Variants in BTBD9 observed in about 807,000 individuals in gnomAD.
BTBD9 encodes the protein BTB/POZ domain-containing protein 9.
BTBD9 carries 49 observed loss-of-function variants against 64.3 expected under a neutral mutation model. The observed-to-expected ratio is 0.76, with a 90% CI of 0.61 to 0.97. The LOEUF is 0.97. Ranked by LOEUF, BTBD9 falls within the 50% of genes least tolerant of loss-of-function variation. BTBD9 has a pLI of 0.00. For missense variants in BTBD9, 598 were observed against 762.1 expected (o/e 0.78, Z 2.53); for synonymous variants, 260 against 274.7 (o/e 0.95, Z 0.53).
At chr6:38,514,889 T>C (rs1262665716) in intron 6 of BTBD9, among the ~76,000 whole-genome samples, 1 of 152,192 alleles carries the variant, frequency 6.6e-6, no homozygotes, top group Non-Finnish European at 1.5e-5. Flanking sequence ...TTTTTACAAG[T>C]GACCTCTGGT....
At chr6:38,374,104 T>C (rs890567507) in intron 6 of BTBD9, among the ~76,000 whole-genome samples, 50 of 150,332 alleles carry the variant, frequency 3.3e-4, no homozygotes, top group African/African-American at 1.2e-3. Flanking sequence ...AACCCATCTC[T>C]ACTAAAAATA....
intron 9 of BTBD9, among the ~76,000 whole-genome samples, chr6:38,221,403 C>A (rs915758211): frequency 1.3e-5 from 2 of 152,174 alleles, no homozygotes; most frequent in Non-Finnish European, 1.5e-5. Flanking sequence ...AGCCTCCCCC[C>A]AGGGAGCCAC....
intron 6 of BTBD9, among the ~76,000 whole-genome samples, chr6:38,525,599 C>A (rs1007639760): frequency 3.3e-5 from 5 of 152,108 alleles, no homozygotes; most frequent in Admixed American, 6.5e-5. Context: ...ATGGTTTTGA[C>A]CAAAATGCTG....
chr6:38,525,960 AC>A (rs1773466674), intron 6 of BTBD9, among the ~76,000 whole-genome samples: 1 of 152,212 alleles, frequency 6.6e-6, no homozygotes. Flanking sequence ...GAAAAGAAAA[AC>A]CCACTTTCTG....
At chr6:38,232,635 T>C (rs1344651493) in intron 9 of BTBD9, among the ~76,000 whole-genome samples, 1 of 151,996 alleles carries the variant, frequency 6.6e-6, no homozygotes, top group Non-Finnish European at 1.5e-5. Context: ...TTTTATTTTA[T>C]TATTATTTTT....
At chr6:38,553,019 A>T (rs1774881960) in intron 6 of BTBD9, among the ~76,000 whole-genome samples, 1 of 152,154 alleles carries the variant, frequency 6.6e-6, no homozygotes, top group African/African-American at 2.4e-5. Flanking sequence ...TTCAATCCAC[A>T]TCAGTCAAAT....
intron 7 of BTBD9, among the ~76,000 whole-genome samples, chr6:38,293,457 G>C (rs979387253): frequency 1.3e-5 from 2 of 152,116 alleles, no homozygotes; most frequent in Admixed American, 6.5e-5. Flanking sequence ...CATGGTACTG[G>C]TACCAAATAG....
At chr6:38,300,374 G>GT (rs761628745) in intron 7 of BTBD9, among the ~76,000 whole-genome samples, 5 of 152,214 alleles carry the variant, frequency 3.3e-5, no homozygotes, top group East Asian at 1.9e-4. Flanking sequence ...CTTTAAAGTA[G>GT]TTTTTTTCCA....
At chr6:38,593,517 T>C (rs1776902354) in intron 3 of BTBD9, among the ~76,000 whole-genome samples, 1 of 152,182 alleles carries the variant, frequency 6.6e-6, no homozygotes, top group African/African-American at 2.4e-5. Context: ...CTAGCTATAA[T>C]ACTGAATTTT....
At chr6:38,220,839 C>T (rs796571219) in intron 9 of BTBD9, among the ~76,000 whole-genome samples, 22 of 152,302 alleles carry the variant, frequency 1.4e-4, no homozygotes, top group African/African-American at 4.8e-4. Flanking sequence ...CCAGGCCTGG[C>T]AAATATATTC....
chr6:38,295,338 A>C (rs543804160), intron 7 of BTBD9, among the ~76,000 whole-genome samples: 2 of 151,632 alleles, frequency 1.3e-5, no homozygotes, highest in African/African-American at 4.8e-5. Context: ...CTAATTTTTT[A>C]AATTTTTTAT....
intron 6 of BTBD9, among the ~76,000 whole-genome samples, chr6:38,407,206 G>A (rs547795535): frequency 2.0e-5 from 3 of 152,176 alleles, no homozygotes; most frequent in South Asian, 2.1e-4. Context: ...TTTTGAATCC[G>A]ACTTGCAACA....
chr6:38,219,741 T>C (rs1423898415), intron 9 of BTBD9, among the ~76,000 whole-genome samples: 1 of 152,214 alleles, frequency 6.6e-6, no homozygotes, highest in Non-Finnish European at 1.5e-5. Context: ...TGGCTGGTTT[T>C]GCCATATAAG....
intron 6 of BTBD9, among the ~76,000 whole-genome samples, chr6:38,417,875 T>C (rs1282265964): frequency 3.3e-5 from 5 of 151,992 alleles, no homozygotes; most frequent in South Asian, 2.1e-4. Flanking sequence ...TTGACTTTCA[T>C]TTTCCCATAA....
At chr6:38,439,914 G>T (rs1254435123) in intron 6 of BTBD9, among the ~76,000 whole-genome samples, 2 of 152,138 alleles carry the variant, frequency 1.3e-5, no homozygotes, top group Non-Finnish European at 2.9e-5. Flanking sequence ...CAAGAAGAGG[G>T]ATATGACAGA....
At chr6:38,442,253 C>T (rs549199559) in intron 6 of BTBD9, among the ~76,000 whole-genome samples, 103 of 152,060 alleles carry the variant, frequency 6.8e-4, no homozygotes, top group African/African-American at 2.4e-3. Flanking sequence ...TTTGGGAGGC[C>T]GAGGCGGGCA....
intron 7 of BTBD9, among the ~76,000 whole-genome samples, chr6:38,300,536 G>C (rs1264692777): frequency 1.3e-5 from 2 of 151,818 alleles, no homozygotes; most frequent in African/African-American, 2.4e-5. Flanking sequence ...TTATTTCATT[G>C]AGCAGTGGTT....
At chr6:38,557,899 T>A (rs1342575406) in intron 6 of BTBD9, among the ~76,000 whole-genome samples, 1 of 152,166 alleles carries the variant, frequency 6.6e-6, no homozygotes, top group Non-Finnish European at 1.5e-5. Context: ...GATTTTGAGA[T>A]CTTAGAGAAA....
At chr6:38,265,243 C>T (rs1387126793) in intron 8 of BTBD9, among the ~76,000 whole-genome samples, 1 of 151,956 alleles carries the variant, frequency 6.6e-6, no homozygotes, top group African/African-American at 2.4e-5. Context: ...ATTTTGGCTC[C>T]ACTGTGTAGG....
Sources: gnomAD v4.1 joint callset for allele counts (sites outside exome capture counted in the v4.1 genomes callset) on GRCh38, gnomAD v4.1.1 for gene constraint, MANE v1.5 for transcripts, NCBI Gene and HGNC (gene_info 2026-07-23, HGNC 2026-07-21) for gene names.